MYH14: variants seen among roughly 807,000 people sequenced by gnomAD.
MYH14 encodes the protein myosin heavy chain 14, also known as myosin-14.
A neutral mutation model predicts 255.5 loss-of-function variants in MYH14; 123 were observed. The ratio of observed to expected loss-of-function variants is 0.48; its 90% CI spans 0.42 to 0.56. The LOEUF (loss-of-function observed/expected upper bound fraction) is 0.56, where lower values mean the gene tolerates loss of function less well. Among genes scored for constraint, MYH14 ranks in the 20% least tolerant of loss-of-function variants. MYH14 has a pLI of 0.00. For missense variants in MYH14, 2,423 were observed against 2,802.3 expected (o/e 0.86, Z 3.06); for synonymous variants, 1,095 against 1,161.2 (o/e 0.94, Z 1.16).
At chr19:50,224,865 A>T (rs935644510) in intron 6 of MYH14, 1 of 456,324 alleles carries the variant, frequency 2.2e-6, no homozygotes, top group Non-Finnish European at 4.4e-6. Flanking sequence ...AGCACTTTGG[A>T]AGGCTGAAGT....
chr19:50,210,096 CAAAAAAAAAAAAAAAAAAAA>C (rs71180680), intron 1 of MYH14, among the ~76,000 whole-genome samples: 1 of 59,600 alleles, frequency 1.7e-5, no homozygotes, highest in African/African-American at 6.0e-5. Context: ...GACTCCGTCT[CAAAAAAAAAAAAAAAAAAAA>C]AAAAAAAAAA....
At chr19:50,255,005 C>T (rs1485767341) in intron 16 of MYH14, among the ~76,000 whole-genome samples, 2 of 152,174 alleles carry the variant, frequency 1.3e-5, no homozygotes, top group Non-Finnish European at 1.5e-5. Context: ...TCCTTTTGGC[C>T]AACAGTGTGT....
At position 50,280,321 on chromosome 19, in the gene MYH14, C is replaced by T. The variant is rs2035671256; in HGVS notation, c.4228C>T (p.Leu1410=). 1.9e-6 allele frequency: 3 copies of T among 1,550,144 alleles called. No individual in the cohort carries two copies. Among genetic ancestry groups the T allele is most frequent in the Non-Finnish European group, 2.6e-6 (3 of 1,146,642 alleles). ...EAEAAGLREQ[L]EEEAAARERA... ...TGAGGCAGCCGGGCTGCGTGAGCAG[C>T]TGGAGGAGGAGGCAGCTGCCAGGGA... Residue 1410 remains leucine (L), a synonymous_variant, in exon 32 of 43, where the codon CTG becomes TTG. Transcript: ENST00000642316. This position sits in a 1 kb window ranked among gnomAD's most constrained non-coding sequence, Gnocchi z 4.8.
chr19:50,254,739 G>A (rs1267100671), intron 16 of MYH14, among the ~76,000 whole-genome samples: 1 of 152,236 alleles, frequency 6.6e-6, no homozygotes, highest in Admixed American at 6.5e-5. Flanking sequence ...GGGAATCGGG[G>A]CCATTTTTGC....
At chr19:50,249,573 C>CTCTGGGTCTCTGTCCCCTGTG in intron 13 of MYH14, 77 bp from the exon 14 acceptor site, 1 of 1,577,756 alleles carries the variant, frequency 6.3e-7, no homozygotes, top group Non-Finnish European at 8.7e-7. Context: ...TGTCCCCTGT[C>CTCTGGGTCTCTGTCCCCTGTG]TCTGGGTCTC....
chr19:50,247,169 CG>C, intron 12 of MYH14, 47 bp downstream of exon 12: 4 of 1,327,756 alleles, frequency 3.0e-6, no homozygotes, highest in Non-Finnish European at 4.3e-6. Context: ...CCGCGCACCC[CG>C]GCCCTGGGTC....
Position 50,281,631 on chromosome 19 carries a change from G to A in MYH14, c.4328G>A (p.Gly1443Glu). Reference sequence around the variant, plus strand: ...CGGCGGCGCCAGGAGGAGGAGGCAGGGGCACTGGAGGCAGGGGAGGAGGCA... The same window carrying A: ...CGGCGGCGCCAGGAGGAGGAGGCAGAGGCACTGGAGGCAGGGGAGGAGGCA... ...EWRRRQEEEA[G>E]ALEAGEEARR... is the part of the protein sequence containing the mutation. Residue 1443 changes from glycine to glutamate, a missense_variant, in exon 33 of 43, where the codon GGG becomes GAG. Around this residue, in one of 3 missense-constraint regions of MYH14, gnomAD observed 1,513 missense variants for 1,674.8 expected, o/e 0.90. Coordinates refer to ENST00000642316, the MANE Select transcript of MYH14 (RefSeq NM_001145809.2). 6.2e-7 allele frequency: 1 copy of A among 1,603,272 alleles called. No individual in the cohort carries two copies. Among genetic ancestry groups the A allele is most frequent in the South Asian group, 1.1e-5 (1 of 90,518 alleles).
chr19:50,289,668 C>A lies in MYH14; in HGVS notation c.4965+20C>A, dbSNP rs756107779. The A allele has an allele frequency of 1.6e-5, 26 of 1,589,192 alleles. No homozygotes were observed. In the South Asian group the frequency reaches 2.8e-4, roughly 17 times the overall value. The stretch of plus-strand genomic sequence containing the variant: ...AAGCAGGTATTGTCACACAGAAGGC[C>A]ACAGGGTGCCAGTCCAGCTGGGGTA... On this transcript the variant is annotated intron_variant, in intron 35 of 42. Coordinates refer to ENST00000642316, the MANE Select transcript of MYH14 (RefSeq NM_001145809.2).
At chr19:50,206,441 A>G (rs777280899) in intron 1 of MYH14, among the ~76,000 whole-genome samples, 10 of 151,708 alleles carry the variant, frequency 6.6e-5, no homozygotes, top group Non-Finnish European at 1.5e-4. Flanking sequence ...GGTGAGGGTA[A>G]AGTCCCAGGG....
chr19:50,249,210 T>C, intron 13 of MYH14, 71 bp downstream of exon 13: 1 of 1,457,582 alleles, frequency 6.9e-7, no homozygotes, highest in Non-Finnish European at 9.2e-7. Context: ...AAGCCCTGGG[T>C]CTCTCCCCTT....
At chr19:50,223,499 G>T in intron 5 of MYH14, 150 bp downstream of exon 5, 1 of 668,848 alleles carries the variant, frequency 1.5e-6, no homozygotes. Context: ...GCCTGGGGTG[G>T]GGCTGGAAGC....
chr19:50,275,556 G>A (rs998730826), intron 27 of MYH14, among the ~76,000 whole-genome samples: 3 of 152,214 alleles, frequency 2.0e-5, no homozygotes, highest in South Asian at 4.1e-4. Context: ...GCTGGGCGAA[G>A]TGGCTCACTC....
Position 50,272,833 on chromosome 19 carries a change from G to A in MYH14, c.3467+102G>A, listed in dbSNP as rs529457171. 102 of 1,189,434 alleles carry A rather than the reference G, an allele frequency of 8.6e-5. 2 individuals carry two copies. The Admixed American group carries it at 1.7e-3, about 19-fold the overall frequency. The allele number at this position is 1,189,434 out of a possible 1,614,324, so 73.7% of individuals were successfully genotyped here. ...GCTCCTGGGTACAAACCCCAGTGGA[G>A]CCACTCACCAGCCACAGACAGGCCA... On this transcript the variant is annotated intron_variant, in intron 27 of 42. Transcript: ENST00000642316.
At chr19:50,237,327 A>ATT (rs113618588) in intron 10 of MYH14, among the ~76,000 whole-genome samples, 29,360 of 142,170 alleles carry the variant, frequency 0.21, 3,262 homozygotes, top group Non-Finnish European at 0.25. Flanking sequence ...AGGTGTGAAC[A>ATT]TTTTTTTTTT....
intron 16 of MYH14, among the ~76,000 whole-genome samples, chr19:50,253,633 C>T (rs749411174): frequency 1.2e-4 from 19 of 152,034 alleles, no homozygotes; most frequent in Non-Finnish European, 1.6e-4. Flanking sequence ...TTCCTGCCCC[C>T]AAAAGGCCCC....
In MYH14 at chr19:50,252,856, A is replaced by C; in HGVS notation, c.1945+103A>C. Reference sequence around the variant, plus strand: ...TTTCAGAGGCGGAGGTCTGAACCTGAGTTTTCTGCTCAGACCCAGAATAGC... The same window carrying C: ...TTTCAGAGGCGGAGGTCTGAACCTGCGTTTTCTGCTCAGACCCAGAATAGC... On this transcript the variant is annotated intron_variant, in intron 16 of 42. Transcript: ENST00000642316. The surrounding 1 kb of genome is among the most constrained non-coding windows in gnomAD (Gnocchi z 4.2). 1 of 756,160 alleles carries C rather than the reference A, an allele frequency of 1.3e-6. No homozygotes were observed. Among genetic ancestry groups the C allele is most frequent in the African/African-American group, 1.7e-5 (1 of 57,204 alleles). 46.8% of individuals were successfully genotyped at this position (756,160 alleles called of 1,614,324 possible). A position where few individuals can be genotyped will look rare whatever the true frequency, so the allele number is the denominator to read the frequency against.
At chr19:50,225,391 G>A (rs752649044) in intron 6 of MYH14, among the ~76,000 whole-genome samples, 194 bp from the exon 7 acceptor site, 3 of 152,148 alleles carry the variant, frequency 2.0e-5, no homozygotes, top group Non-Finnish European at 2.9e-5. Context: ...AACATGTCTT[G>A]GAGATGCTTC....
At chr19:50,218,509 A>G (rs1053680086) in intron 3 of MYH14, among the ~76,000 whole-genome samples, 9 of 151,856 alleles carry the variant, frequency 5.9e-5, no homozygotes, top group Admixed American at 5.9e-4. Context: ...GAGGCAGGAG[A>G]ATGGCGTGAA....
chr19:50,269,402 G>A (rs1392731839), intron 24 of MYH14, among the ~76,000 whole-genome samples: 1 of 152,052 alleles, frequency 6.6e-6, no homozygotes, highest in Non-Finnish European at 1.5e-5. Context: ...GGCTGGTCTC[G>A]AACTCCTGAC....
Sources: allele counts gnomAD v4.1 joint callset (sites outside exome capture counted in the v4.1 genomes callset), GRCh38; gene constraint gnomAD v4.1.1; regional missense constraint gnomAD v4.1.1; non-coding constraint Gnocchi (gnomAD v3.1); transcripts MANE v1.5; gene names NCBI Gene and HGNC (gene_info 2026-07-23, HGNC 2026-07-21).